REL: variants seen among roughly 807,000 people sequenced by gnomAD.
REL encodes REL proto-oncogene, NF-kB subunit.
Under a neutral mutation model 45.9 loss-of-function variants are expected in REL, and 15 were observed. That is an observed-to-expected ratio of 0.33 (90% CI 0.22 to 0.50). REL has a LOEUF of 0.50. REL is among the 20% of genes least tolerant of loss of function. REL has a pLI of 0.98. For missense variants in REL, 601 were observed against 715.2 expected (o/e 0.84, Z 1.82); for synonymous variants, 239 against 242.1 (o/e 0.99, Z 0.12).
intron 4 of REL, 65 bp downstream of exon 4, chr2:60,901,148 C>CCT: frequency 1.2e-6 from 1 of 849,424 alleles, no homozygotes; most frequent in Non-Finnish European, 1.5e-6. Context: ...TTTTTTCTTT[C>CCT]TCTTTTTTTT....
At chr2:60,895,756 C>A (rs1673331392) in intron 3 of REL, among the ~76,000 whole-genome samples, 1 of 152,190 alleles carries the variant, frequency 6.6e-6, no homozygotes, top group African/African-American at 2.4e-5. Context: ...TGTTCCACTT[C>A]TAGGAGTTTA....
At chr2:60,904,035 T>A (rs1673568666) in intron 4 of REL, among the ~76,000 whole-genome samples, 1 of 152,206 alleles carries the variant, frequency 6.6e-6, no homozygotes, top group Non-Finnish European at 1.5e-5. Flanking sequence ...AGTAAGTGCT[T>A]TATATATTTT....
At chr2:60,891,344 A>G (rs1483097590) in intron 1 of REL, among the ~76,000 whole-genome samples, 1 of 152,032 alleles carries the variant, frequency 6.6e-6, no homozygotes, top group African/African-American at 2.4e-5. Flanking sequence ...CTTGGGGGAA[A>G]CCCTTCTGCT....
chr2:60,905,429 A>G (rs1411888637), intron 4 of REL, among the ~76,000 whole-genome samples: 1 of 152,230 alleles, frequency 6.6e-6, no homozygotes, highest in Non-Finnish European at 1.5e-5. Flanking sequence ...GCCTTTCAGC[A>G]GTGGTTCTCA....
rs1673977978 is a variant in REL, at chr2:60,916,868, TC to T, written c.395-8del. The T allele has an allele frequency of 1.2e-6, 2 of 1,605,820 alleles. No homozygotes were observed. Among genetic ancestry groups the T allele is most frequent in the Non-Finnish European group, 1.7e-6 (2 of 1,176,590 alleles). On this transcript the variant is annotated splice_region_variant and splice_polypyrimidine_tract_variant and intron_variant, in intron 4 of 9. Transcript: ENST00000394479. Reference sequence around the variant, plus strand: ...TATTACATTTAAAAAATTTTTTTTTTCTATTCAGTCCCTGAAAAACAGCTGA... The same window carrying T: ...TATTACATTTAAAAAATTTTTTTTTTTATTCAGTCCCTGAAAAACAGCTGA...
intron 9 of REL, among the ~76,000 whole-genome samples, chr2:60,921,433 C>G (rs7594850): frequency 0.015 from 2,328 of 152,128 alleles, 62 homozygotes; most frequent in African/African-American, 0.053. Flanking sequence ...AATTGTAATT[C>G]TAATATTTAT....
intron 1 of REL, among the ~76,000 whole-genome samples, chr2:60,883,956 G>T (rs1471135794): frequency 2.3e-5 from 3 of 131,642 alleles, no homozygotes; most frequent in Admixed American, 1.5e-4. Context: ...GCCAGGCCTG[G>T]AATAAAAAAA....
chr2:60,895,121 A>G (rs1673317558), intron 3 of REL, among the ~76,000 whole-genome samples: 2 of 151,856 alleles, frequency 1.3e-5, no homozygotes, highest in Non-Finnish European at 1.5e-5. Flanking sequence ...GGCCTCCCAA[A>G]GTGCTGGGAT....
chr2:60,904,615 C>T (rs929259909), intron 4 of REL, among the ~76,000 whole-genome samples: 8 of 148,046 alleles, frequency 5.4e-5, no homozygotes, highest in Non-Finnish European at 1.1e-4. Context: ...AGGCCAGGCA[C>T]GGTGTCTTAT....
intron 4 of REL, among the ~76,000 whole-genome samples, chr2:60,905,332 G>A (rs1216652244): frequency 6.6e-6 from 1 of 152,000 alleles, no homozygotes; most frequent in African/African-American, 2.4e-5. Context: ...CTGACCTTGT[G>A]ATCCGCCCGC....
chr2:60,904,198 C>T (rs1389101237), intron 4 of REL, among the ~76,000 whole-genome samples: 3 of 149,980 alleles, frequency 2.0e-5, no homozygotes, highest in African/African-American at 7.4e-5. Flanking sequence ...ATCAGGAGTT[C>T]GAGACCAGCC....
At position 60,917,029 on chromosome 2, in the gene REL, A is replaced by G. The variant is rs370849336; in HGVS notation, c.535+12A>G. On this transcript the variant is annotated intron_variant, in intron 5 of 9. Coordinates refer to ENST00000394479, the MANE Select transcript of REL (RefSeq NM_001291746.2). ...AATTTATGACAACCGTAAGTACTTC[A>G]TTTTCTTATATTTGTAGTCTTAACT... 1.9e-6 allele frequency: 3 copies of G among 1,597,612 alleles called. No homozygotes were observed. The highest frequency in any genetic ancestry group is 1.3e-5 in the African/African-American group (1 of 74,118).
At chr2:60,918,347 G>T (rs997283373) in intron 6 of REL, 47 bp from the exon 7 acceptor site, 6 of 1,557,436 alleles carry the variant, frequency 3.9e-6, no homozygotes, top group Non-Finnish European at 5.3e-6. Flanking sequence ...AATAGATGCA[G>T]TTACTTTGTT....
intron 3 of REL, among the ~76,000 whole-genome samples, chr2:60,897,053 A>G (rs945135840): frequency 3.9e-5 from 6 of 152,160 alleles, no homozygotes; most frequent in African/African-American, 9.7e-5. Context: ...TTGGCATTCT[A>G]TTATAAAGAA....
rs34507093 is a variant in REL at position 60,904,405 on chromosome 2, T to TA, written c.394+3338dup. Among the ~76,000 whole-genome samples, 538 of 127,324 alleles carry TA rather than the reference T, an allele frequency of 4.2e-3. 4 individuals carry two copies. Among genetic ancestry groups the TA allele is most frequent in the African/African-American group, 0.013 (430 of 32,976 alleles). The allele number at this position is 127,324 out of a possible 152,430, so 83.5% of individuals were successfully genotyped here. A position where few individuals can be genotyped will look rare whatever the true frequency, so the allele number is the denominator to read the frequency against. Reference sequence around the variant, plus strand: ...CGACAGAACGAGACTCTGTCTCAATTAAAAAAAAAAAAAAAATTAGCCGGG... The same window carrying TA: ...CGACAGAACGAGACTCTGTCTCAATTAAAAAAAAAAAAAAAAATTAGCCGGG... On this transcript the variant is annotated intron_variant, in intron 4 of 9. Transcript: ENST00000394479.
chr2:60,911,473 G>A (rs1276822299), intron 4 of REL: 1 of 152,134 alleles, frequency 6.6e-6, no homozygotes, highest in Non-Finnish European at 1.5e-5. Flanking sequence ...AAAAGGGTTA[G>A]TGGATGTAAA....
chr2:60,924,358 T>C lies in REL; in HGVS notation c.*1823T>C. ...CCAATTTGTAGAAAAATGCCTACCT[T>C]ATATTAAACACTCAGTAAATGTTTA... On this transcript the variant is annotated 3_prime_UTR_variant, in exon 10 of 10. Transcript: ENST00000394479. The C allele has an allele frequency of 4.6e-6, 1 of 217,436 alleles. No individual in the cohort carries two copies. The allele number at this position is 217,436 out of a possible 1,614,324, so 13.5% of individuals were successfully genotyped here.
chr2:60,885,057 T>C (rs1408535280), intron 1 of REL, among the ~76,000 whole-genome samples: 1 of 152,140 alleles, frequency 6.6e-6, no homozygotes, highest in Non-Finnish European at 1.5e-5. Context: ...AGGTGACGTA[T>C]GATAGGCACA....
At position 60,928,320 on chromosome 2, in the gene REL, C is replaced by T. The variant is rs927011088; in HGVS notation, c.*5785C>T. 5 of 152,362 alleles carry T rather than the reference C, an allele frequency of 3.3e-5. No individual in the cohort carries two copies. Among genetic ancestry groups the T allele is most frequent in the Admixed American group, 6.5e-5 (1 of 15,268 alleles). 9.4% of individuals were successfully genotyped at this position (152,362 alleles called of 1,614,324 possible). ...CCTTTCTTCACAGAATTGGAAAAAA[C>T]TACTTTAAAGTTCATATGGAACCAA... On this transcript the variant is annotated 3_prime_UTR_variant, in exon 10 of 10. Transcript: ENST00000394479.
Sources: allele counts gnomAD v4.1 joint callset (sites outside exome capture counted in the v4.1 genomes callset), GRCh38; gene constraint gnomAD v4.1.1; transcripts MANE v1.5; gene names NCBI Gene and HGNC (gene_info 2026-07-23, HGNC 2026-07-21).